TTYH2: variants seen among roughly 807,000 people sequenced by gnomAD.
TTYH2 encodes tweety family member 2, also known as protein tweety homolog 2.
A neutral mutation model predicts 68.3 loss-of-function variants in TTYH2; 49 were observed. That is an observed-to-expected ratio of 0.72 (90% confidence interval 0.57 to 0.91). The LOEUF is 0.91. Ranked by LOEUF, TTYH2 falls within the 40% of genes least tolerant of loss-of-function variation. The pLI is 0.00. For missense variants in TTYH2, 631 were observed against 700.4 expected, an observed-to-expected ratio of 0.90 and a Z score of 1.12; for synonymous variants, 272 against 300.8, an observed-to-expected ratio of 0.90 and a Z score of 0.99.
At chr17:74,259,046 T>C (rs1034101564) in intron 13 of TTYH2, among the ~76,000 whole-genome samples, 3 of 152,070 alleles carry the variant, frequency 2.0e-5, no homozygotes, top group Admixed American at 6.5e-5. Flanking sequence ...GTGCAGGGTA[T>C]AGAGTGAAAG....
chr17:74,222,718 T>A lies in TTYH2; in HGVS notation c.302+61T>A. Reference sequence around the variant, plus strand: ...ACTCAGTCTGCAAGGGGCCAGGGACTGTTTGACCATGTTCTGACGGAGCTC... The same window carrying A: ...ACTCAGTCTGCAAGGGGCCAGGGACAGTTTGACCATGTTCTGACGGAGCTC... On this transcript the variant is annotated intron_variant, in intron 2 of 13. Coordinates refer to ENST00000269346, the MANE Select transcript of TTYH2 (RefSeq NM_032646.6). This position sits in a 1 kb window ranked among gnomAD's most constrained non-coding sequence, Gnocchi z 5.2. The A allele has an allele frequency of 6.7e-7, 1 of 1,497,304 alleles. No individual in the cohort carries two copies. The highest frequency in any genetic ancestry group is 8.9e-7 in the Non-Finnish European group (1 of 1,120,962). 92.8% of individuals were successfully genotyped at this position (1,497,304 alleles called of 1,614,324 possible).
chr17:74,216,463 C>T (rs947443467), intron 1 of TTYH2, among the ~76,000 whole-genome samples: 10 of 152,104 alleles, frequency 6.6e-5, no homozygotes, highest in South Asian at 2.1e-4. Context: ...GAGCAGGTCA[C>T]CTGGTGAGCT....
At position 74,239,646 on chromosome 17, in the gene TTYH2, C is replaced by T. The variant is rs1159760041; in HGVS notation, c.635+2132C>T. On this transcript the variant is annotated intron_variant, in intron 4 of 13. Transcript: ENST00000269346. The surrounding 1 kb of genome is among the most constrained non-coding windows in gnomAD (Gnocchi z 5.3). ...TGGGGGTCCTCCCCACACCTTGCCT[C>T]CCCAGCCCGTCCAGTCCCTGCATCT... is the stretch of plus-strand genomic sequence containing the variant. Among the ~76,000 whole-genome samples, 1 of 152,190 alleles carries T rather than the reference C, an allele frequency of 6.6e-6. No individual in the cohort carries two copies. Among genetic ancestry groups the T allele is most frequent in the Non-Finnish European group, 1.5e-5 (1 of 68,032 alleles).
At chr17:74,225,026 A>G (rs1373955438) in intron 2 of TTYH2, among the ~76,000 whole-genome samples, 1 of 151,530 alleles carries the variant, frequency 6.6e-6, no homozygotes, top group Non-Finnish European at 1.5e-5. Flanking sequence ...CCAAAAAACT[A>G]AGGAGAGAGC....
chr17:74,248,128 T>A lies in TTYH2; in HGVS notation c.805-883T>A, dbSNP rs1198397870. On this transcript the variant is annotated intron_variant, in intron 6 of 13. Coordinates refer to ENST00000269346, the MANE Select transcript of TTYH2 (RefSeq NM_032646.6). ...CGGGGCCACCGGCAGAGCAGGGCAC[T>A]CAGAGGGGTCCCCTGCCCGGGGAGC... is the stretch of plus-strand genomic sequence containing the variant. 1.5e-5 allele frequency: 5 copies of A among 333,638 alleles called. No individual in the cohort carries two copies. The East Asian group carries it at 6.7e-4, about 45-fold the overall frequency. The allele number at this position is 333,638 out of a possible 1,614,324, so 20.7% of individuals were successfully genotyped here. A position where few individuals can be genotyped will look rare whatever the true frequency, so the allele number is the denominator to read the frequency against.
intron 11 of TTYH2, 109 bp from the exon 12 acceptor site, chr17:74,252,972 G>A (rs527295916): frequency 3.4e-4 from 398 of 1,165,726 alleles, no homozygotes; most frequent in Middle Eastern, 5.9e-4. Flanking sequence ...AAGGAGACAC[G>A]CGTGGCCAGA....
At chr17:74,226,929 GC>G (rs2050336217) in intron 2 of TTYH2, among the ~76,000 whole-genome samples, 1 of 151,990 alleles carries the variant, frequency 6.6e-6, no homozygotes, top group African/African-American at 2.4e-5. Flanking sequence ...AACAGCCAAG[GC>G]GATTTTTCTT....
At chr17:74,260,082 G>A (rs886636864) in intron 13 of TTYH2, 47 bp from the exon 14 acceptor site, 5 of 1,574,622 alleles carry the variant, frequency 3.2e-6, no homozygotes, top group African/African-American at 1.3e-5. Flanking sequence ...CTGGTGCAGT[G>A]CTTGGCTGAC....
intron 4 of TTYH2, 121 bp from the exon 5 acceptor site, chr17:74,243,253 G>A (rs1256562556): frequency 1.2e-5 from 10 of 808,264 alleles, no homozygotes; most frequent in Non-Finnish European, 1.9e-5. Context: ...GCTGGCTCTG[G>A]GCAGCATGTC....
At chr17:74,230,812 A>G in intron 2 of TTYH2, 76 bp from the exon 3 acceptor site, 1 of 1,486,516 alleles carries the variant, frequency 6.7e-7, no homozygotes, top group Non-Finnish European at 9.2e-7. Context: ...ACCCAACCCT[A>G]AGCTTATTTT....
At chr17:74,253,042 C>A in intron 11 of TTYH2, 39 bp from the exon 12 acceptor site, 1 of 1,608,686 alleles carries the variant, frequency 6.2e-7, no homozygotes, top group Middle Eastern at 1.7e-4. Flanking sequence ...GAGCCTCCTT[C>A]ACCCTTCACA....
At chr17:74,249,529 C>T (rs998740450) in intron 8 of TTYH2, 130 bp downstream of exon 8, 25 of 980,712 alleles carry the variant, frequency 2.5e-5, no homozygotes, top group African/African-American at 4.8e-5. Flanking sequence ...TCCTTAGCTG[C>T]TTCTGTGAGG....
At chr17:74,242,762 G>C (rs2050514565) in intron 4 of TTYH2, among the ~76,000 whole-genome samples, 1 of 152,184 alleles carries the variant, frequency 6.6e-6, no homozygotes, top group Admixed American at 6.5e-5. Context: ...TGGGGAGCCA[G>C]GCTGAGTGTT....
rs368832102 is a variant in TTYH2 at position 74,215,242 on chromosome 17, G to A, written c.129+1526G>A. 6.6e-6 allele frequency among the ~76,000 whole-genome samples: 1 copy of A among 151,470 alleles called. No homozygotes were observed. Among genetic ancestry groups the A allele is most frequent in the African/African-American group, 2.4e-5 (1 of 40,958 alleles). ...CCCTGTGCCCCACATCCCACACCCG[G>A]GGTCTCCAGCCATAGTTTTCTCCTC... On this transcript the variant is annotated intron_variant, in intron 1 of 13. Coordinates refer to ENST00000269346, the MANE Select transcript of TTYH2 (RefSeq NM_032646.6). The surrounding 1 kb of genome is among the most constrained non-coding windows in gnomAD (Gnocchi z 4.3).
rs2050607798 is a variant in TTYH2, at chr17:74,250,263, A to C, written c.1024-2A>C. On this transcript the variant is annotated splice_acceptor_variant, in intron 9 of 13. Transcript: ENST00000269346. LOFTEE classifies it high-confidence loss of function. ...GCCTCTCTCGCTCTCTTCCCGCTTC[A>C]GGAAGACCTGCTTGCAATCCAGCTC... 6.2e-7 allele frequency: 1 copy of C among 1,612,108 alleles called. No individual in the cohort carries two copies. The highest frequency in any genetic ancestry group is 1.7e-5 in the Admixed American group (1 of 59,808).
intron 11 of TTYH2, 88 bp downstream of exon 11, chr17:74,252,464 G>A: frequency 1.4e-6 from 2 of 1,480,642 alleles, no homozygotes; most frequent in South Asian, 1.3e-5. Context: ...CGATTTAGCT[G>A]ATAACCCAGG....
intron 13 of TTYH2, among the ~76,000 whole-genome samples, chr17:74,255,359 G>A (rs2050682739): frequency 6.6e-6 from 1 of 152,228 alleles, no homozygotes; most frequent in Non-Finnish European, 1.5e-5. Flanking sequence ...AGCATCCAGT[G>A]AGTGCCGTAG....
At chr17:74,249,527 T>A in intron 8 of TTYH2, 128 bp downstream of exon 8, 1 of 1,007,238 alleles carries the variant, frequency 9.9e-7, no homozygotes, top group Non-Finnish European at 1.5e-6. Flanking sequence ...TCTCCTTAGC[T>A]GCTTCTGTGA....
Position 74,213,684 on chromosome 17 carries a change from A to G in TTYH2, c.97A>G (p.Thr33Ala). 1 of 1,612,498 alleles carries G rather than the reference A, an allele frequency of 6.2e-7. No individual in the cohort carries two copies. The highest frequency in any genetic ancestry group is 8.5e-7 in the Non-Finnish European group (1 of 1,179,500). ...CCTGCGCCTGCAGCCCGTGAACAGC[A>G]CCTTCAGCCCCGGCGACGAGAGTTA... The part of the protein sequence containing the change: ...VGLRLQPVNS[T>A]FSPGDESYQE... The change falls in exon 1 of 14, where the codon ACC becomes GCC. Residue 33 changes from threonine to alanine, a missense_variant. Transcript: ENST00000269346. This position sits in a 1 kb window ranked among gnomAD's most constrained non-coding sequence, Gnocchi z 6.1.
Sources: allele counts gnomAD v4.1 joint callset (sites outside exome capture counted in the v4.1 genomes callset), GRCh38; gene constraint gnomAD v4.1.1; non-coding constraint Gnocchi (gnomAD v3.1); transcripts MANE v1.5; gene names NCBI Gene and HGNC (gene_info 2026-07-23, HGNC 2026-07-21).